The following CDH13 variants were observed in gnomAD, a reference collection of about 807,000 sequenced individuals.
CDH13 encodes cadherin 13.
A neutral mutation model predicts 63.8 loss-of-function variants in CDH13; 24 were observed. The ratio of observed to expected loss-of-function variants is 0.38; its 90% CI spans 0.27 to 0.53. The LOEUF (loss-of-function observed/expected upper bound fraction) is 0.53, where lower values mean the gene tolerates loss of function less well. CDH13 is among the 20% of genes least tolerant of loss of function. The pLI is 0.85. For missense variants in CDH13, 1,049 were observed against 903.1 expected, an observed-to-expected ratio of 1.16 and a Z score of -2.07; for synonymous variants, 503 against 355.3, an observed-to-expected ratio of 1.42 and a Z score of -4.67.
At chr16:83,455,077 T>C (rs2072985916) in intron 6 of CDH13, among the ~76,000 whole-genome samples, 1 of 152,214 alleles carries the variant, frequency 6.6e-6, no homozygotes, top group South Asian at 2.1e-4. Flanking sequence ...ATCGGAGCCA[T>C]TGTTATCACA....
chr16:83,699,939 G>A (rs541120042), intron 10 of CDH13, among the ~76,000 whole-genome samples: 1 of 152,240 alleles, frequency 6.6e-6, no homozygotes, highest in Non-Finnish European at 1.5e-5. Context: ...CCATGGAGAT[G>A]TGATTGACAT....
intron 2 of CDH13, among the ~76,000 whole-genome samples, chr16:82,987,577 A>G (rs1207501334): frequency 7.9e-5 from 12 of 152,052 alleles, no homozygotes; most frequent in Non-Finnish European, 1.5e-4. Flanking sequence ...GAGTTTCACT[A>G]TGTTGACCAG....
intron 8 of CDH13, among the ~76,000 whole-genome samples, chr16:83,649,351 C>A (rs147157379): frequency 1.3e-5 from 2 of 152,170 alleles, no homozygotes; most frequent in Non-Finnish European, 2.9e-5. Flanking sequence ...GTGCTCCCTA[C>A]CTTCATTGCA....
intron 1 of CDH13, among the ~76,000 whole-genome samples, chr16:82,847,821 C>T (rs900499913): frequency 6.6e-6 from 1 of 152,010 alleles, no homozygotes; most frequent in Non-Finnish European, 1.5e-5. Context: ...ACCACACAGC[C>T]AGAATTTGGA....
intron 3 of CDH13, among the ~76,000 whole-genome samples, chr16:83,119,308 T>G (rs2035456424): frequency 6.6e-6 from 1 of 152,232 alleles, no homozygotes; most frequent in Non-Finnish European, 1.5e-5. Flanking sequence ...ATTGTCTCCA[T>G]GTCTTGCAGC....
intron 1 of CDH13, among the ~76,000 whole-genome samples, chr16:82,661,131 C>T (rs553605349): frequency 6.6e-6 from 1 of 152,148 alleles, no homozygotes; most frequent in African/African-American, 2.4e-5. Flanking sequence ...TACAGCTGTC[C>T]GTTTCCTTTG....
intron 2 of CDH13, among the ~76,000 whole-genome samples, chr16:83,011,966 C>T (rs1428919233): frequency 6.6e-6 from 1 of 152,130 alleles, no homozygotes; most frequent in Non-Finnish European, 1.5e-5. Context: ...GCCTTATTCT[C>T]CTTTTATTTC....
At chr16:82,903,560 C>T (rs553158182) in intron 2 of CDH13, among the ~76,000 whole-genome samples, 1 of 152,192 alleles carries the variant, frequency 6.6e-6, no homozygotes, top group South Asian at 2.1e-4. Context: ...GGACTTGAAC[C>T]CTTTTTTCAT....
intron 6 of CDH13, among the ~76,000 whole-genome samples, chr16:83,365,709 T>G (rs2091246282): frequency 6.6e-6 from 1 of 151,242 alleles, no homozygotes; most frequent in African/African-American, 2.4e-5. Flanking sequence ...GGCAAGAGAG[T>G]GAAGAAGAGA....
intron 1 of CDH13, among the ~76,000 whole-genome samples, chr16:82,854,298 G>A (rs1322760138): frequency 2.6e-5 from 4 of 151,794 alleles, no homozygotes; most frequent in Non-Finnish European, 5.9e-5. Flanking sequence ...CTACTTGGGA[G>A]GCTGAGGCAG....
intron 2 of CDH13, among the ~76,000 whole-genome samples, chr16:82,958,939 T>C (rs1390716154): frequency 1.3e-5 from 2 of 152,248 alleles, no homozygotes; most frequent in Admixed American, 6.5e-5. Context: ...CCCAAGGTTT[T>C]CCTGGTGCAG....
intron 2 of CDH13, among the ~76,000 whole-genome samples, chr16:82,910,720 C>G (rs2041804031): frequency 6.6e-6 from 1 of 152,150 alleles, no homozygotes; most frequent in Non-Finnish European, 1.5e-5. Flanking sequence ...TGTTATTTCT[C>G]TTTGCATATT....
intron 1 of CDH13, among the ~76,000 whole-genome samples, chr16:82,715,366 G>C (rs976347957): frequency 6.6e-6 from 1 of 152,130 alleles, no homozygotes; most frequent in Non-Finnish European, 1.5e-5. Context: ...TGTTTGTTGA[G>C]AGGCAAAGGC....
chr16:83,247,113 G>C (rs1905063707), intron 5 of CDH13, among the ~76,000 whole-genome samples: 1 of 152,210 alleles, frequency 6.6e-6, no homozygotes, highest in African/African-American at 2.4e-5. Flanking sequence ...TGGATTTTAG[G>C]ATTGGAGATC....
At chr16:83,091,295 T>C (rs981259011) in intron 3 of CDH13, among the ~76,000 whole-genome samples, 3 of 152,120 alleles carry the variant, frequency 2.0e-5, no homozygotes, top group African/African-American at 7.2e-5. Context: ...CATGAGCACT[T>C]GGTAACCATC....
chr16:83,381,611 C>T (rs1286286759), intron 6 of CDH13, among the ~76,000 whole-genome samples: 2 of 152,132 alleles, frequency 1.3e-5, no homozygotes, highest in East Asian at 3.9e-4. Flanking sequence ...TCCCATATCA[C>T]CTCTATAATT....
rs145756227 is a variant in CDH13 at position 83,217,283 on chromosome 16, T to C, written c.484-62T>C. ...AGTGAATTGCTCATGGGAGTATGTT[T>C]GCAATGTGCTTTCTCTGTGTTTTCC... On this transcript the variant is annotated intron_variant, in intron 4 of 13. Transcript: ENST00000567109. 3.5e-5 allele frequency: 55 copies of C among 1,555,728 alleles called. No homozygotes were observed. In the African/African-American group the frequency reaches 6.0e-4, roughly 17 times the overall value.
chr16:83,600,143 A>C (rs769064093), intron 7 of CDH13, among the ~76,000 whole-genome samples: 1 of 152,172 alleles, frequency 6.6e-6, no homozygotes, highest in Non-Finnish European at 1.5e-5. Flanking sequence ...ACCAGGCAGA[A>C]CCAGGGCAGA....
chr16:83,158,299 C>T (rs1231527430), intron 4 of CDH13, among the ~76,000 whole-genome samples: 1 of 152,224 alleles, frequency 6.6e-6, no homozygotes, highest in Non-Finnish European at 1.5e-5. Flanking sequence ...CTCCCCACCC[C>T]TGCTGCCTCT....
Sources: gnomAD v4.1 joint callset for allele counts (sites outside exome capture counted in the v4.1 genomes callset) on GRCh38, gnomAD v4.1.1 for gene constraint, MANE v1.5 for transcripts, NCBI Gene and HGNC (gene_info 2026-07-23, HGNC 2026-07-21) for gene names.